Variants in MYT1L observed in about 807,000 individuals in gnomAD.
MYT1L encodes the protein myelin transcription factor 1-like protein.
Under a neutral mutation model 126.7 loss-of-function variants are expected in MYT1L, and 12 were observed. The observed-to-expected ratio is 0.09, with a 90% CI of 0.06 to 0.15. The LOEUF is 0.15. Among genes scored for constraint, MYT1L ranks in the 10% least tolerant of loss-of-function variants. MYT1L has a pLI of 1.00. For synonymous variants in MYT1L, 541 were observed against 604.2 expected, an observed-to-expected ratio of 0.90 and a Z score of 1.53; for missense variants, 979 against 1,585.2, an observed-to-expected ratio of 0.62 and a Z score of 6.49.
At chr2:2,042,030 CAG>C (rs1480151715) in intron 4 of MYT1L, among the ~76,000 whole-genome samples, 6 of 152,180 alleles carry the variant, frequency 3.9e-5, no homozygotes, top group Non-Finnish European at 4.4e-5. Flanking sequence ...GTAGATAGCA[CAG>C]AGTGTCTCCT....
intron 3 of MYT1L, among the ~76,000 whole-genome samples, chr2:2,099,581 AT>A (rs1206314251): frequency 2.0e-5 from 3 of 152,164 alleles, no homozygotes; most frequent in Non-Finnish European, 4.4e-5. Flanking sequence ...TCAAAACCTA[AT>A]TGCTATTTAA....
intron 23 of MYT1L, among the ~76,000 whole-genome samples, chr2:1,797,564 G>T (rs1000113002): frequency 6.6e-6 from 1 of 152,130 alleles, no homozygotes; most frequent in Non-Finnish European, 1.5e-5. Context: ...TGAAGACCCC[G>T]ACGCAGACTC....
intron 2 of MYT1L, among the ~76,000 whole-genome samples, chr2:2,277,479 A>T (rs1175940034): frequency 2.6e-5 from 4 of 152,252 alleles, no homozygotes; most frequent in African/African-American, 7.2e-5. Context: ...ACACAGGTGC[A>T]TCATGGCCAG....
chr2:2,112,525 A>G (rs535704396), intron 3 of MYT1L, among the ~76,000 whole-genome samples: 2 of 152,306 alleles, frequency 1.3e-5, no homozygotes, highest in South Asian at 4.1e-4. Context: ...TGGGGCATTG[A>G]GACTGTAGCC....
intron 5 of MYT1L, among the ~76,000 whole-genome samples, chr2:1,989,466 A>G (rs1377116456): frequency 7.2e-5 from 11 of 152,170 alleles, no homozygotes; most frequent in Non-Finnish European, 1.5e-4. Flanking sequence ...TCAGCATGGC[A>G]CTTGGCACAG....
intron 3 of MYT1L, among the ~76,000 whole-genome samples, chr2:2,093,337 T>C (rs1462973196): frequency 6.6e-6 from 1 of 151,302 alleles, no homozygotes; most frequent in Non-Finnish European, 1.5e-5. Flanking sequence ...CTTTTTTTAC[T>C]CTTAGGCTGA....
chr2:2,018,097 G>A (rs2064630203), intron 4 of MYT1L, among the ~76,000 whole-genome samples: 1 of 152,166 alleles, frequency 6.6e-6, no homozygotes, highest in African/African-American at 2.4e-5. Context: ...AGTAAAGCCT[G>A]CATAAAGAAG....
intron 8 of MYT1L, among the ~76,000 whole-genome samples, chr2:1,971,358 A>C (rs1482388246): frequency 6.6e-6 from 1 of 152,178 alleles, no homozygotes; most frequent in Non-Finnish European, 1.5e-5. Flanking sequence ...TACTTTCTTT[A>C]GGATGATGGC....
intron 3 of MYT1L, among the ~76,000 whole-genome samples, chr2:2,117,218 A>AC (rs1259319464): frequency 6.6e-6 from 1 of 152,200 alleles, no homozygotes; most frequent in Non-Finnish European, 1.5e-5. Flanking sequence ...CAAGATAAAT[A>AC]CAGCAGTTAT....
intron 18 of MYT1L, among the ~76,000 whole-genome samples, chr2:1,880,919 A>G (rs910379912): frequency 1.3e-5 from 2 of 152,378 alleles, no homozygotes; most frequent in East Asian, 3.8e-4. Flanking sequence ...ATGGCGAGGC[A>G]TAAACAGACG....
intron 5 of MYT1L, among the ~76,000 whole-genome samples, chr2:1,996,322 G>A (rs532968278): frequency 2.5e-4 from 38 of 150,892 alleles, no homozygotes; most frequent in Admixed American, 1.1e-3. Context: ...AGTGAGGGCC[G>A]TCTTGCCTCA....
In MYT1L at chr2:2,048,980, A is replaced by C. The variant is rs573535889; in HGVS notation, c.-158+4998T>G. ...CTACAGTCCAGAAAAATAAAAGCTCAAACAATTTTATTTATTTTTAACTAT... is the reference window on the plus strand; with the variant it reads ...CTACAGTCCAGAAAAATAAAAGCTCCAACAATTTTATTTATTTTTAACTAT... On this transcript the variant is annotated intron_variant, in intron 4 of 24. Coordinates refer to ENST00000647738, the MANE Select transcript of MYT1L (RefSeq NM_001303052.2). Among the ~76,000 whole-genome samples the C allele has an allele frequency of 2.0e-5, 3 of 152,334 alleles. No homozygotes were observed. The East Asian group carries it at 5.8e-4, about 29-fold the overall frequency.
In MYT1L at chr2:2,007,071, C is replaced by T. The variant is rs552454407; in HGVS notation, c.-157-9724G>A. 1.8e-4 allele frequency among the ~76,000 whole-genome samples: 28 copies of T among 151,954 alleles called. No homozygotes were observed. In the South Asian group the frequency reaches 3.1e-3, roughly 17 times the overall value. ...TATATATATATATATATATCCCCCA[C>T]ATTTTTGCCATCCATTTGTCCATTA... On this transcript the variant is annotated intron_variant, in intron 4 of 24. Coordinates refer to ENST00000647738, the MANE Select transcript of MYT1L (RefSeq NM_001303052.2).
chr2:2,004,173 G>A lies in MYT1L; in HGVS notation c.-157-6826C>T, dbSNP rs141156743. On this transcript the variant is annotated intron_variant, in intron 4 of 24. Transcript: ENST00000647738. ...TTCTTTCCTGTGTGCCTTCTTTCCT[G>A]CGTGCCTCCTTTCCTGCAGGCGTTC... Among the ~76,000 whole-genome samples, 867 of 148,446 alleles carry A rather than the reference G, an allele frequency of 5.8e-3. 4 individuals carry two copies. The highest frequency in any genetic ancestry group is 1.0e-2 in the Non-Finnish European group (672 of 67,314).
chr2:1,977,171 C>G (rs2060250159), intron 8 of MYT1L, among the ~76,000 whole-genome samples: 1 of 152,134 alleles, frequency 6.6e-6, no homozygotes, highest in South Asian at 2.1e-4. Flanking sequence ...GGCCCGAGAG[C>G]TTCCATGACT....
chr2:2,249,628 G>C (rs979291978), intron 2 of MYT1L, among the ~76,000 whole-genome samples: 7 of 152,034 alleles, frequency 4.6e-5, no homozygotes, highest in African/African-American at 1.7e-4. Context: ...CAGATTTCTT[G>C]AGTAATACCC....
intron 5 of MYT1L, among the ~76,000 whole-genome samples, chr2:1,993,156 G>C (rs75574354): frequency 0.044 from 6,640 of 152,256 alleles, 204 homozygotes; most frequent in Non-Finnish European, 0.064. Flanking sequence ...CTCCCACACA[G>C]ATGCCCTGAG....
At chr2:2,272,777 A>C (rs1488872363) in intron 2 of MYT1L, among the ~76,000 whole-genome samples, 1 of 152,080 alleles carries the variant, frequency 6.6e-6, no homozygotes, top group African/African-American at 2.4e-5. Context: ...AGCAAATGGC[A>C]CTTTCATTCC....
intron 2 of MYT1L, among the ~76,000 whole-genome samples, chr2:2,267,047 C>A (rs115998484): frequency 6.6e-6 from 1 of 152,302 alleles, no homozygotes; most frequent in African/African-American, 2.4e-5. Flanking sequence ...ATGGGTCCTA[C>A]GGCCATGGTG....
Sources: allele counts gnomAD v4.1 joint callset (sites outside exome capture counted in the v4.1 genomes callset), GRCh38; gene constraint gnomAD v4.1.1; transcripts MANE v1.5; gene names NCBI Gene and HGNC (gene_info 2026-07-23, HGNC 2026-07-21).